JAK1: variants seen among roughly 807,000 people sequenced by gnomAD.
The protein encoded by JAK1 is tyrosine-protein kinase JAK1.
In JAK1, 16 loss-of-function variants were observed where a neutral mutation model predicts 136.6. The ratio of observed to expected loss-of-function variants is 0.12; its 90% CI spans 0.08 to 0.18. JAK1 has a LOEUF of 0.18. Ranked by LOEUF, JAK1 falls within the 10% of genes least tolerant of loss-of-function variation. The pLI, the probability that JAK1 is intolerant of heterozygous loss-of-function variation, is 1.00. For synonymous variants in JAK1, 492 were observed against 519.5 expected (o/e 0.95, Z 0.72); for missense variants, 859 against 1,450.1 (o/e 0.59, Z 6.62).
chr1:65,025,214 T>C (rs988941008), intron 2 of JAK1, among the ~76,000 whole-genome samples: 2 of 151,922 alleles, frequency 1.3e-5, no homozygotes, highest in African/African-American at 4.8e-5. Context: ...CAAACTGCAG[T>C]GGCCAAGAGG....
In JAK1 at chr1:64,954,745, CAT is replaced by C. The variant is rs1181464688; in HGVS notation, c.-78+11586_-78+11587del. ...CATCAATTAAAAGAAGGATTTAACA[CAT>C]GTGACAAGTAATCCGATGAGGAGAC... is the stretch of plus-strand genomic sequence containing the variant. On this transcript the variant is annotated intron_variant, in intron 1 of 24. Coordinates refer to ENST00000342505, the MANE Select transcript of JAK1 (RefSeq NM_002227.4). Among the ~76,000 whole-genome samples, 10 of 152,286 alleles carry C rather than the reference CAT, an allele frequency of 6.6e-5. No homozygotes were observed. In the South Asian group the frequency reaches 1.0e-3, roughly 16 times the overall value.
chr1:65,031,660 C>G (rs979846125), intron 2 of JAK1, among the ~76,000 whole-genome samples: 4 of 152,098 alleles, frequency 2.6e-5, no homozygotes, highest in African/African-American at 9.7e-5. Flanking sequence ...AATCATTTTG[C>G]TATGGTTATA....
chr1:64,851,659 C>A (rs1655606172), intron 11 of JAK1, among the ~76,000 whole-genome samples: 2 of 152,208 alleles, frequency 1.3e-5, no homozygotes, highest in Non-Finnish European at 2.9e-5. Flanking sequence ...AGGAAATCTA[C>A]AATCCATAGA....
intron 13 of JAK1, 40 bp from the exon 14 acceptor site, chr1:64,846,776 T>G (rs570279372): frequency 1.1e-4 from 163 of 1,526,746 alleles, no homozygotes; most frequent in Non-Finnish European, 1.4e-4. Context: ...CAGGCCAGCC[T>G]CCAGGGGGCT....
intron 1 of JAK1, among the ~76,000 whole-genome samples, chr1:64,917,981 A>C (rs1425250950): frequency 6.6e-6 from 1 of 152,188 alleles, no homozygotes; most frequent in Admixed American, 6.5e-5. Flanking sequence ...TAATGAATTC[A>C]ACCAGAGACC....
At chr1:65,056,037 C>T (rs1647519658) in intron 1 of JAK1, among the ~76,000 whole-genome samples, 1 of 152,170 alleles carries the variant, frequency 6.6e-6, no homozygotes, top group African/African-American at 2.4e-5. Flanking sequence ...TCTTGAAGCA[C>T]TTTTTTCCAC....
chr1:65,065,059 C>CA (rs1378421210), intron 1 of JAK1, among the ~76,000 whole-genome samples: 4 of 152,160 alleles, frequency 2.6e-5, no homozygotes, highest in Admixed American at 6.5e-5. Context: ...CTCCCCATGT[C>CA]AAAGTTCATT....
intron 2 of JAK1, chr1:64,985,698 A>T (rs1646592178): frequency 1.4e-6 from 1 of 711,636 alleles, no homozygotes; most frequent in Admixed American, 2.0e-5. Flanking sequence ...ACCTGTGCAG[A>T]GTCTGCAGAA....
intron 2 of JAK1, among the ~76,000 whole-genome samples, chr1:65,027,692 T>C (rs898636234): frequency 1.3e-5 from 2 of 152,176 alleles, no homozygotes; most frequent in South Asian, 4.1e-4. Flanking sequence ...TCTCAGACTG[T>C]GGTGCAGCTC....
intron 2 of JAK1, among the ~76,000 whole-genome samples, chr1:65,000,515 T>A (rs561414281): frequency 0.053 from 7,928 of 149,974 alleles, 278 homozygotes; most frequent in South Asian, 0.1. Context: ...AAAAAAAAAA[T>A]AACTACAAAG....
intron 1 of JAK1, among the ~76,000 whole-genome samples, chr1:65,056,924 A>C (rs1013852865): frequency 1.7e-4 from 3 of 18,110 alleles, no homozygotes; most frequent in Non-Finnish European, 5.1e-4. Context: ...CTCTTTCTTT[A>C]AAAAAAAAAA....
At chr1:64,866,293 G>A (rs1027275562) in intron 7 of JAK1, among the ~76,000 whole-genome samples, 9 of 152,158 alleles carry the variant, frequency 5.9e-5, no homozygotes, top group African/African-American at 1.7e-4. Flanking sequence ...TCTGAACCCC[G>A]TCGACGTGGG....
intron 1 of JAK1, among the ~76,000 whole-genome samples, chr1:65,066,373 T>G (rs1648042106): frequency 6.6e-6 from 1 of 152,190 alleles, no homozygotes; most frequent in Middle Eastern, 3.4e-3. Flanking sequence ...AAACAGACTC[T>G]CATGCCTATA....
chr1:65,014,840 A>G (rs1029012091), intron 2 of JAK1, among the ~76,000 whole-genome samples: 1 of 151,646 alleles, frequency 6.6e-6, no homozygotes, highest in Non-Finnish European at 1.5e-5. Context: ...GCCCGCCACC[A>G]CGCCCGGCTA....
chr1:65,058,163 T>C (rs932468801), intron 1 of JAK1, among the ~76,000 whole-genome samples: 4 of 152,160 alleles, frequency 2.6e-5, no homozygotes, highest in Admixed American at 1.3e-4. Context: ...ATTCCAGAAA[T>C]ACTAATTCAT....
intron 1 of JAK1, among the ~76,000 whole-genome samples, chr1:64,943,244 T>C (rs895240156): frequency 6.6e-6 from 1 of 152,206 alleles, no homozygotes; most frequent in Non-Finnish European, 1.5e-5. Flanking sequence ...TGATACCTAT[T>C]ACCTCATCAG....
At chr1:65,058,472 T>G in intron 1 of JAK1, 1 of 534,210 alleles carries the variant, frequency 1.9e-6, no homozygotes, top group Middle Eastern at 3.5e-4. Context: ...ACCTTTAGAA[T>G]AGACAGCATC....
intron 7 of JAK1, 106 bp downstream of exon 7, chr1:64,866,760 C>T: frequency 1.3e-6 from 1 of 774,806 alleles, no homozygotes; most frequent in Non-Finnish European, 2.2e-6. Context: ...ATAAACTCAG[C>T]CTATGGGAGT....
chr1:64,916,921 G>T (rs1026217328), intron 1 of JAK1, among the ~76,000 whole-genome samples: 1 of 151,894 alleles, frequency 6.6e-6, no homozygotes, highest in African/African-American at 2.4e-5. Flanking sequence ...AAAATTAAAG[G>T]GGGCAATCCA....
Sources: gnomAD v4.1 joint callset for allele counts (sites outside exome capture counted in the v4.1 genomes callset) on GRCh38, gnomAD v4.1.1 for gene constraint, MANE v1.5 for transcripts, NCBI Gene and HGNC (gene_info 2026-07-23, HGNC 2026-07-21) for gene names.